PRKN: variants seen among roughly 807,000 people sequenced by gnomAD.
PRKN encodes the protein parkin RBR E3 ubiquitin protein ligase.
A neutral mutation model predicts 59.5 loss-of-function variants in PRKN; 56 were observed. The ratio of observed to expected loss-of-function variants is 0.94; its 90% CI spans 0.76 to 1.18. PRKN has a LOEUF of 1.18. Ranked by LOEUF, PRKN falls within the 50% of genes most tolerant of loss-of-function variation. The pLI, the probability that PRKN is intolerant of heterozygous loss-of-function variation, is 0.00. For missense variants in PRKN, 657 were observed against 596.4 expected, an observed-to-expected ratio of 1.10 and a Z score of -1.06; for synonymous variants, 250 against 222.1, an observed-to-expected ratio of 1.13 and a Z score of -1.12.
rs1331199091 is a variant in PRKN at position 162,607,540 on chromosome 6, G to T, written c.7+120122C>A. ...TTCCAAAGAGAGAGAGAAATTAAAT[G>T]AGTTTTTTTTTTTAATGGGGGAAAC... On this transcript the variant is annotated intron_variant, in intron 1 of 11. Transcript: ENST00000366898. 2.1e-5 allele frequency among the ~76,000 whole-genome samples: 3 copies of T among 146,278 alleles called. No individual in the cohort carries two copies. In the Admixed American group the frequency reaches 2.1e-4, roughly 10 times the overall value.
At chr6:162,495,054 T>C (rs963792414) in intron 1 of PRKN, among the ~76,000 whole-genome samples, 4 of 152,112 alleles carry the variant, frequency 2.6e-5, no homozygotes, top group African/African-American at 9.7e-5. Context: ...AATGGTGGAG[T>C]TTGATATCCA....
intron 7 of PRKN, among the ~76,000 whole-genome samples, chr6:161,733,797 T>TATATATATATATATATATATATAC (rs58765166): frequency 3.3e-4 from 27 of 81,984 alleles, no homozygotes; most frequent in South Asian, 9.6e-4. Context: ...TATATATATA[T>TATATATATATATATATATATATAC]GTATATATAT....
intron 1 of PRKN, among the ~76,000 whole-genome samples, chr6:162,570,969 C>G (rs1780298383): frequency 6.6e-6 from 1 of 152,078 alleles, no homozygotes. Context: ...AGGATAAATG[C>G]TTGAGGGGAT....
rs556109556 is a variant in PRKN at position 162,669,067 on chromosome 6, A to AT, written c.7+58594dup. On this transcript the variant is annotated intron_variant, in intron 1 of 11. Transcript: ENST00000366898. The stretch of plus-strand genomic sequence containing the variant: ...AATGGCACAATAAGTAACAGGAAAG[A>AT]TTGAGTTTTGAAATCAGTCTCTAAA... Among the ~76,000 whole-genome samples, 527 of 152,270 alleles carry AT rather than the reference A, an allele frequency of 3.5e-3. 2 individuals are homozygous for AT. Among genetic ancestry groups the AT allele is most frequent in the African/African-American group, 8.8e-3 (364 of 41,556 alleles).
intron 4 of PRKN, among the ~76,000 whole-genome samples, chr6:162,145,457 A>G (rs921791090): frequency 8.5e-5 from 13 of 152,186 alleles, no homozygotes; most frequent in African/African-American, 2.9e-4. Context: ...ATATTTACAC[A>G]TTGGGGGGAA....
At chr6:162,223,636 C>A (rs1198133063) in intron 3 of PRKN, among the ~76,000 whole-genome samples, 1 of 106,494 alleles carries the variant, frequency 9.4e-6, no homozygotes, top group Admixed American at 8.6e-5. Context: ...CACACACACA[C>A]ACACACACAC....
intron 2 of PRKN, among the ~76,000 whole-genome samples, chr6:162,400,457 C>CAAAAAAAAAAAAAAAAAA (rs3081908): frequency 3.0e-5 from 3 of 98,660 alleles, no homozygotes; most frequent in Non-Finnish European, 5.9e-5. Flanking sequence ...ATGTAAATAT[C>CAAAAAAAAAAAAAAAAAA]AAAAAAAAAA....
chr6:161,532,506 A>G (rs1779260867), intron 9 of PRKN, among the ~76,000 whole-genome samples: 1 of 152,010 alleles, frequency 6.6e-6, no homozygotes, highest in Non-Finnish European at 1.5e-5. Context: ...TCTCTTCCAG[A>G]GTAGGCTGTG....
chr6:162,349,556 T>G (rs1394674679), intron 2 of PRKN, among the ~76,000 whole-genome samples: 1 of 152,120 alleles, frequency 6.6e-6, no homozygotes, highest in African/African-American at 2.4e-5. Context: ...AGATAAAATA[T>G]TACATTCCTC....
intron 2 of PRKN, among the ~76,000 whole-genome samples, chr6:162,369,315 G>A (rs1306381911): frequency 6.6e-6 from 1 of 152,158 alleles, no homozygotes; most frequent in Non-Finnish European, 1.5e-5. Flanking sequence ...CAGAAAAGTT[G>A]GAGGTGCTGT....
intron 5 of PRKN, among the ~76,000 whole-genome samples, chr6:162,047,564 A>C (rs186650721): frequency 6.6e-6 from 1 of 152,208 alleles, no homozygotes; most frequent in East Asian, 1.9e-4. Context: ...AACCCAAAAC[A>C]TACAGTTCAC....
chr6:161,991,286 G>A (rs1781636093), intron 5 of PRKN, among the ~76,000 whole-genome samples: 4 of 152,068 alleles, frequency 2.6e-5, no homozygotes, highest in Admixed American at 2.6e-4. Context: ...GTACCATCAC[G>A]AAAACACACA....
intron 3 of PRKN, among the ~76,000 whole-genome samples, chr6:162,235,711 G>A (rs1294960436): frequency 1.3e-5 from 2 of 151,900 alleles, no homozygotes; most frequent in African/African-American, 4.8e-5. Context: ...GCTGAGGCAG[G>A]AGAACTGCTT....
At chr6:162,458,885 C>T (rs965599750) in intron 1 of PRKN, among the ~76,000 whole-genome samples, 9 of 152,116 alleles carry the variant, frequency 5.9e-5, no homozygotes, top group African/African-American at 2.2e-4. Flanking sequence ...TGCATGACAT[C>T]GGCTCACTGC....
Position 161,525,751 on chromosome 6 carries a change from T to C in PRKN, c.1083+23103A>G, listed in dbSNP as rs1447767432. On this transcript the variant is annotated intron_variant, in intron 9 of 11. Transcript: ENST00000366898. This position sits in a 1 kb window ranked among gnomAD's most constrained non-coding sequence, Gnocchi z 4.7. ...CAGCGCATTGCATCAGAAATGCTTC[T>C]ATGTTAATCTGGAAATAGGTGTTCT... Among the ~76,000 whole-genome samples the C allele has an allele frequency of 6.6e-6, 1 of 152,184 alleles. No individual in the cohort carries two copies. The highest frequency in any genetic ancestry group is 1.5e-5 in the Non-Finnish European group (1 of 68,042).
chr6:162,336,248 T>C (rs1562681037), intron 2 of PRKN, among the ~76,000 whole-genome samples: 1 of 152,142 alleles, frequency 6.6e-6, no homozygotes, highest in Non-Finnish European at 1.5e-5. Flanking sequence ...TATACAAGTA[T>C]AAAATGTTCA....
At position 161,484,878 on chromosome 6, in the gene PRKN, T is replaced by G. The variant is rs1189898955; in HGVS notation, c.1083+63976A>C. Among the ~76,000 whole-genome samples the G allele has an allele frequency of 6.6e-6, 1 of 151,950 alleles. No individual in the cohort carries two copies. The highest frequency in any genetic ancestry group is 6.6e-5 in the Admixed American group (1 of 15,258). ...CTCCTAACCACCTGCCTCTCAAAGG[T>G]GTCTGCTCCTAACCACCTGCCCCTC... is the stretch of plus-strand genomic sequence containing the variant. On this transcript the variant is annotated intron_variant, in intron 9 of 11. Coordinates refer to ENST00000366898, the MANE Select transcript of PRKN (RefSeq NM_004562.3). The surrounding 1 kb of genome is among the most constrained non-coding windows in gnomAD (Gnocchi z 4.9).
At chr6:161,383,975 G>C (rs1162036692) in intron 10 of PRKN, among the ~76,000 whole-genome samples, 1 of 152,202 alleles carries the variant, frequency 6.6e-6, no homozygotes, top group Non-Finnish European at 1.5e-5. Flanking sequence ...AGGAATTGGA[G>C]GCTGGCCCTG....
At chr6:162,115,428 A>T (rs538427661) in intron 4 of PRKN, among the ~76,000 whole-genome samples, 3 of 152,112 alleles carry the variant, frequency 2.0e-5, no homozygotes, top group East Asian at 3.9e-4. Context: ...CGCACCAGCA[A>T]GGCACATGTA....
Sources: gnomAD v4.1 joint callset for allele counts (sites outside exome capture counted in the v4.1 genomes callset) on GRCh38, gnomAD v4.1.1 for gene constraint, Gnocchi (gnomAD v3.1) non-coding constraint, MANE v1.5 for transcripts, NCBI Gene and HGNC (gene_info 2026-07-23, HGNC 2026-07-21) for gene names.